Variants in FOXI1 observed in about 807,000 individuals in gnomAD.
The protein encoded by FOXI1 is forkhead box protein I1.
A neutral mutation model predicts 16.4 loss-of-function variants in FOXI1; 11 were observed. The ratio of observed to expected loss-of-function variants is 0.67; its 90% CI spans 0.42 to 1.11. The LOEUF (loss-of-function observed/expected upper bound fraction) is 1.11, where lower values mean the gene tolerates loss of function less well. Among genes scored for constraint, FOXI1 ranks in the 50% least tolerant of loss-of-function variants. The pLI is 0.00. For synonymous variants in FOXI1, 218 were observed against 211.5 expected (o/e 1.03, Z -0.27); for missense variants, 480 against 506.1 (o/e 0.95, Z 0.49).
At position 170,108,283 on chromosome 5, in the gene FOXI1, C is replaced by T. The variant is rs1758556230; in HGVS notation, c.809C>T (p.Pro270Leu). The change falls in exon 2 of 2, where the codon CCT (proline) becomes CTT (leucine). Residue 270 changes from proline to leucine, a missense_variant. This residue lies in a region of FOXI1 where 257 missense variants were observed against 262.2 expected (regional missense o/e 0.98). Coordinates refer to ENST00000306268, the MANE Select transcript of FOXI1 (RefSeq NM_012188.5). ...AGCTCCCCAGAGAAGCGGCCCTCCCCTCCCCCATCAGGCGCCCCTTGCCTT... is the reference window on the plus strand; with the variant it reads ...AGCTCCCCAGAGAAGCGGCCCTCCCTTCCCCCATCAGGCGCCCCTTGCCTT... ...TTSSPEKRPSPPPSGAPCLNS... is the reference protein window; with the variant it reads ...TTSSPEKRPSLPPSGAPCLNS... 3 of 1,614,058 alleles carry T rather than the reference C, an allele frequency of 1.9e-6. No individual in the cohort carries two copies. Among genetic ancestry groups the T allele is most frequent in the African/African-American group, 2.7e-5 (2 of 74,914 alleles).
rs1385843081 is a variant in FOXI1, at chr5:170,108,079, A to G, written c.605A>G (p.Asn202Ser). The change falls in exon 2 of 2, where the codon AAC becomes AGC. Residue 202 changes from asparagine to serine, a missense_variant. Asn to Ser is a conservative substitution (Grantham distance 46, BLOSUM62 1). Transcript: ENST00000306268. Reference protein sequence around the residue: ...GKGNYWTLDPNCEKMFDNGNF... With the variant: ...GKGNYWTLDPSCEKMFDNGNF... Reference sequence around the variant, plus strand: ...GGGAATTACTGGACCCTGGACCCCAACTGTGAGAAAATGTTCGACAATGGA... The same window carrying G: ...GGGAATTACTGGACCCTGGACCCCAGCTGTGAGAAAATGTTCGACAATGGA... 1 of 1,614,152 alleles carries G rather than the reference A, an allele frequency of 6.2e-7. No homozygotes were observed. Among genetic ancestry groups the G allele is most frequent in the Non-Finnish European group, 8.5e-7 (1 of 1,180,006 alleles).
rs770965234 is a variant in FOXI1 at position 170,108,293 on chromosome 5, A to G, written c.819A>G (p.Ser273=). Residue 273 remains serine (S), a synonymous_variant, in exon 2 of 2, where the codon TCA becomes TCG. Transcript: ENST00000306268. ...AGAAGCGGCCCTCCCCTCCCCCATC[A>G]GGCGCCCCTTGCCTTAACAGCTTCC... ...SPEKRPSPPP[S]GAPCLNSFLS... is the part of the protein sequence containing the mutation. 6.2e-7 allele frequency: 1 copy of G among 1,613,568 alleles called. No homozygotes were observed.
Position 170,106,396 on chromosome 5 carries a change from A to G in FOXI1, c.439A>G (p.Ser147Gly). The change falls in exon 1 of 2, where the codon AGC becomes GGC. Residue 147 changes from serine (S) to glycine (G), a missense_variant. By Grantham distance (56) the Ser-to-Gly change is moderately conservative. Transcript: ENST00000306268. ...HGAPDKRLTL[S>G]QIYQYVADNF... ...GGCACCCGACAAGCGCCTCACTCTC[A>G]GCCAGATCTACCAGTACGTGGCCGA... 6.2e-7 allele frequency: 1 copy of G among 1,614,190 alleles called. No individual in the cohort carries two copies. Among genetic ancestry groups the G allele is most frequent in the South Asian group, 1.1e-5 (1 of 91,084 alleles).
chr5:170,106,303 G>A lies in FOXI1; in HGVS notation c.346G>A (p.Glu116Lys), dbSNP rs758560898. 3.1e-6 allele frequency: 5 copies of A among 1,591,020 alleles called. No individual in the cohort carries two copies. Among genetic ancestry groups the A allele is most frequent in the Non-Finnish European group, 4.3e-6 (5 of 1,168,982 alleles). The part of the protein sequence containing the change: ...DLGWLPIPSQ[E>K]ELMKLVRPPY... ...GGGCTGGCTGCCCATCCCCTCGCAG[G>A]AGGAGCTGATGAAGCTGGTGCGGCC... is the stretch of plus-strand genomic sequence containing the variant. The change falls in exon 1 of 2, where the codon GAG becomes AAG. Residue 116 changes from glutamate (E) to lysine (K), a missense_variant. Physicochemically the swap from Glu to Lys is moderately conservative, Grantham distance 56. This residue lies in a region of FOXI1 where 219 missense variants were observed against 222.9 expected (regional missense o/e 0.98). Transcript: ENST00000306268.
chr5:170,106,786 G>C (rs777858714), intron 1 of FOXI1: 4 of 247,960 alleles, frequency 1.6e-5, no homozygotes, highest in Non-Finnish European at 2.6e-5. Context: ...TTCCCTCATC[G>C]GAAAACCAGG....
At chr5:170,106,981 C>G in intron 1 of FOXI1, 2 of 985,376 alleles carry the variant, frequency 2.0e-6, no homozygotes, top group Non-Finnish European at 2.4e-6. Context: ...AAGGGCATCC[C>G]AAGACTGCCA....
intron 1 of FOXI1, 95 bp from the exon 2 acceptor site, chr5:170,107,954 C>A: frequency 1.0e-6 from 1 of 962,810 alleles, no homozygotes; most frequent in Non-Finnish European, 1.7e-6. Context: ...CTTCCTGCAT[C>A]TGTCACCTTG....
At position 170,108,314 on chromosome 5, in the gene FOXI1, C is replaced by A; in HGVS notation, c.840C>A (p.Ser280Arg). ...CATCAGGCGCCCCTTGCCTTAACAG[C>A]TTCCTTTCCTCTATGACAGCCTATG... ...PPPSGAPCLN[S>R]FLSSMTAYVS... Residue 280 changes from serine (S) to arginine (R), a missense_variant, in exon 2 of 2, where the codon AGC (serine) becomes AGA (arginine). Ser to Arg is a moderately radical substitution (Grantham distance 110). Coordinates refer to ENST00000306268, the MANE Select transcript of FOXI1 (RefSeq NM_012188.5). The A allele has an allele frequency of 6.2e-7, 1 of 1,614,168 alleles. No homozygotes were observed. Among genetic ancestry groups the A allele is most frequent in the African/African-American group, 1.3e-5 (1 of 75,038 alleles).
In FOXI1 at chr5:170,106,254, G is replaced by A. The variant is rs1474460096; in HGVS notation, c.297G>A (p.Val99=). Residue 99 remains valine, a synonymous_variant, in exon 1 of 2, where the codon GTG becomes GTA. Coordinates refer to ENST00000306268, the MANE Select transcript of FOXI1 (RefSeq NM_012188.5). ...TGCAGAGGCCGCTGCTGCCCAGCGT[G>A]TCGGGGCTTGGGGGGAGCGACCTGG... ...YGVQRPLLPS[V]SGLGGSDLGW... 1 of 1,580,976 alleles carries A rather than the reference G, an allele frequency of 6.3e-7. No individual in the cohort carries two copies. The highest frequency in any genetic ancestry group is 1.1e-5 in the South Asian group (1 of 87,270).
In FOXI1 at chr5:170,107,551, G is replaced by T. The variant is rs189489300; in HGVS notation, c.575-498G>T. On this transcript the variant is annotated intron_variant, in intron 1 of 1. Coordinates refer to ENST00000306268, the MANE Select transcript of FOXI1 (RefSeq NM_012188.5). ...TCCGGTGTGGATCCTTTCTCAGTGGGCCTGAGGAAGACAGGGGCAATGGGC... is the reference window on the plus strand; with the variant it reads ...TCCGGTGTGGATCCTTTCTCAGTGGTCCTGAGGAAGACAGGGGCAATGGGC... 5.8e-3 allele frequency among the ~76,000 whole-genome samples: 883 copies of T among 152,274 alleles called. 4 individuals are homozygous for T. Among genetic ancestry groups the T allele is most frequent in the Non-Finnish European group, 8.4e-3 (574 of 68,024 alleles).
chr5:170,108,011 T>C, intron 1 of FOXI1, 38 bp from the exon 2 acceptor site: 1 of 1,505,780 alleles, frequency 6.6e-7, no homozygotes, highest in Non-Finnish European at 9.2e-7. Flanking sequence ...AAGCATTTTG[T>C]CCACCTCTCT....
In FOXI1 at chr5:170,108,121, G is replaced by A. The variant is rs1362472817; in HGVS notation, c.647G>A (p.Arg216Lys). 1.2e-6 allele frequency: 2 copies of A among 1,614,054 alleles called. No homozygotes were observed. Among genetic ancestry groups the A allele is most frequent in the Non-Finnish European group, 1.7e-6 (2 of 1,180,032 alleles). Residue 216 changes from arginine (R) to lysine (K), a missense_variant, in exon 2 of 2, where the codon AGG (arginine) becomes AAG (lysine). Arg to Lys is a conservative substitution (Grantham distance 26). This residue lies in a region of FOXI1 where 257 missense variants were observed against 262.2 expected (regional missense o/e 0.98). Transcript: ENST00000306268. ...GACAATGGAAATTTCCGCAGGAAAA[G>A]GAAGAGAAAATCAGATGTTTCCTCT... ...MFDNGNFRRK[R>K]KRKSDVSSST...
At position 170,108,495 on chromosome 5, in the gene FOXI1, A is replaced by G; in HGVS notation, c.1021A>G (p.Met341Val). Reference protein sequence around the residue: ...HSGGGDWANPMPTNMLSYGGS... With the variant: ...HSGGGDWANPVPTNMLSYGGS... ...CGGTGGGGGTGACTGGGCGAACCCC[A>G]TGCCCACCAACATGCTCAGCTATGG... is the stretch of plus-strand genomic sequence containing the variant. Residue 341 changes from methionine (M) to valine (V), a missense_variant, in exon 2 of 2, where the codon ATG (methionine) becomes GTG (valine). Physicochemically the swap from Met to Val is conservative, Grantham distance 21 (BLOSUM62 1). Around this residue, in one of 3 missense-constraint regions of FOXI1, gnomAD observed 257 missense variants for 262.2 expected, o/e 0.98. Transcript: ENST00000306268. The G allele has an allele frequency of 6.2e-7, 1 of 1,603,156 alleles. No homozygotes were observed. The highest frequency in any genetic ancestry group is 8.5e-7 in the Non-Finnish European group (1 of 1,172,934).
Position 170,108,126 on chromosome 5 carries a change from A to G in FOXI1, c.652A>G (p.Arg218Gly). 6.2e-7 allele frequency: 1 copy of G among 1,614,230 alleles called. No individual in the cohort carries two copies. The highest frequency in any genetic ancestry group is 8.5e-7 in the Non-Finnish European group (1 of 1,180,038). ...TGGAAATTTCCGCAGGAAAAGGAAG[A>G]GAAAATCAGATGTTTCCTCTAGCAC... ...DNGNFRRKRK[R>G]KSDVSSSTAS... The change falls in exon 2 of 2, where the codon AGA becomes GGA. Residue 218 changes from arginine (R) to glycine (G), a missense_variant. By Grantham distance (125) the Arg-to-Gly change is moderately radical. Around this residue, in one of 3 missense-constraint regions of FOXI1, gnomAD observed 257 missense variants for 262.2 expected, o/e 0.98. Coordinates refer to ENST00000306268, the MANE Select transcript of FOXI1 (RefSeq NM_012188.5).
Position 170,106,550 on chromosome 5 carries a change from T to G in FOXI1, c.574+19T>G, listed in dbSNP as rs1758495058. On this transcript the variant is annotated intron_variant, in intron 1 of 1. Transcript: ENST00000306268. The stretch of plus-strand genomic sequence containing the variant: ...GACCCGGGTAAGGAGGCTTTGAGTG[T>G]GGGGGGTGTCCCCAAGGAAGACTCA... 6.2e-7 allele frequency: 1 copy of G among 1,613,946 alleles called. No homozygotes were observed. The highest frequency in any genetic ancestry group is 8.5e-7 in the Non-Finnish European group (1 of 1,179,962).
chr5:170,108,022 A>G (rs777243970), intron 1 of FOXI1, 27 bp from the exon 2 acceptor site: 1 of 1,570,208 alleles, frequency 6.4e-7, no homozygotes. Flanking sequence ...CCACCTCTCT[A>G]TTTACCCCCT....
In FOXI1 at chr5:170,108,395, G is replaced by A; in HGVS notation, c.921G>A (p.Glu307=). Residue 307 remains glutamate, a synonymous_variant, in exon 2 of 2, where the codon GAG becomes GAA. Transcript: ENST00000306268. ...HPLVTPGLSP[E]PSDKTGQNSL... is the part of the protein sequence containing the mutation. ...TGGTCACACCAGGACTGAGCCCTGA[G>A]CCCAGTGACAAGACGGGGCAGAACT... 1.2e-6 allele frequency: 2 copies of A among 1,613,960 alleles called. No homozygotes were observed. The highest frequency in any genetic ancestry group is 8.5e-7 in the Non-Finnish European group (1 of 1,179,880).
At chr5:170,106,623 G>A in intron 1 of FOXI1, 92 bp downstream of exon 1, 3 of 1,547,714 alleles carry the variant, frequency 1.9e-6, no homozygotes. Flanking sequence ...GACTAGGGCT[G>A]TGCCCCCCAA....
intron 1 of FOXI1, 54 bp downstream of exon 1, chr5:170,106,585 T>C (rs1001262334): frequency 1.6e-5 from 26 of 1,604,218 alleles, no homozygotes; most frequent in African/African-American, 8.0e-5. Context: ...ACTTCCTTCC[T>C]CCCCAAGACC....
Sources: allele counts gnomAD v4.1 joint callset (sites outside exome capture counted in the v4.1 genomes callset), GRCh38; gene constraint gnomAD v4.1.1; regional missense constraint gnomAD v4.1.1; transcripts MANE v1.5; gene names NCBI Gene and HGNC (gene_info 2026-07-23, HGNC 2026-07-21).